Variants in PDZD2 observed in about 807,000 individuals in gnomAD.
The protein encoded by PDZD2 is PDZ domain-containing protein 2.
PDZD2 carries 90 observed loss-of-function variants against 220.7 expected under a neutral mutation model. The observed-to-expected ratio is 0.41, with a 90% CI of 0.34 to 0.49. The LOEUF is 0.49. Ranked by LOEUF, PDZD2 falls within the 20% of genes least tolerant of loss-of-function variation. PDZD2 has a pLI of 0.28. For synonymous variants in PDZD2, 1,375 were observed against 1,450.5 expected (o/e 0.95, Z 1.18); for missense variants, 3,174 against 3,608.5 (o/e 0.88, Z 3.08).
intron 2 of PDZD2, among the ~76,000 whole-genome samples, chr5:31,960,280 G>A (rs545148149): frequency 2.0e-5 from 3 of 151,548 alleles, no homozygotes; most frequent in South Asian, 4.2e-4. Context: ...GCCATGGCGC[G>A]ATCTCGGCTC....
At chr5:31,907,768 C>G (rs190531108) in intron 2 of PDZD2, among the ~76,000 whole-genome samples, 1 of 152,076 alleles carries the variant, frequency 6.6e-6, no homozygotes, top group Non-Finnish European at 1.5e-5. Flanking sequence ...AAAAGGATCT[C>G]CCAATTAAAT....
At position 31,977,175 on chromosome 5, in the gene PDZD2, G is replaced by T. The variant is rs1187883079; in HGVS notation, c.477-5980G>T. On this transcript the variant is annotated intron_variant, in intron 2 of 24. Coordinates refer to ENST00000438447, the MANE Select transcript of PDZD2 (RefSeq NM_178140.4). The stretch of plus-strand genomic sequence containing the variant: ...GTCTGGCCCCAAGTTACTTTGAATT[G>T]CACACATAGACATCCATGGTTCAGC... 3.9e-5 allele frequency among the ~76,000 whole-genome samples: 6 copies of T among 152,118 alleles called. No individual in the cohort carries two copies. The East Asian group carries it at 1.2e-3, about 30-fold the overall frequency.
chr5:31,880,790 T>TATTTTTC (rs1739797358), intron 2 of PDZD2, among the ~76,000 whole-genome samples: 1 of 122,716 alleles, frequency 8.1e-6, no homozygotes, highest in African/African-American at 4.0e-5. Flanking sequence ...CTTTTTTTTT[T>TATTTTTC]CTTTTTTTTT....
chr5:31,955,040 G>GC (rs1239224243), intron 2 of PDZD2, among the ~76,000 whole-genome samples: 2 of 152,178 alleles, frequency 1.3e-5, no homozygotes, highest in Non-Finnish European at 2.9e-5. Context: ...GCATCCCCAA[G>GC]CCCCGTACCC....
chr5:32,072,345 G>A, intron 17 of PDZD2, 28 bp downstream of exon 17: 2 of 1,577,386 alleles, frequency 1.3e-6, no homozygotes, highest in Non-Finnish European at 1.7e-6. Flanking sequence ...AGAGGGCCTG[G>A]GCTCTGCATT....
intron 2 of PDZD2, among the ~76,000 whole-genome samples, chr5:31,816,287 C>CAAAAA (rs34233316): frequency 3.0e-5 from 3 of 99,144 alleles, no homozygotes; most frequent in African/African-American, 8.4e-5. Flanking sequence ...GACTCCATCT[C>CAAAAA]AAAAAAAAAA....
intron 1 of PDZD2, among the ~76,000 whole-genome samples, chr5:31,697,998 G>A (rs1246534680): frequency 6.6e-6 from 1 of 151,582 alleles, no homozygotes; most frequent in African/African-American, 2.4e-5. Flanking sequence ...CATCTCCCAG[G>A]TTCAAGTGAT....
chr5:31,931,706 C>CA (rs569836153), intron 2 of PDZD2, among the ~76,000 whole-genome samples: 3 of 152,278 alleles, frequency 2.0e-5, no homozygotes, highest in African/African-American at 7.2e-5. Context: ...AAAAGGGGGC[C>CA]AGAGAGCTGG....
At chr5:32,060,636 C>T (rs950676064) in intron 13 of PDZD2, among the ~76,000 whole-genome samples, 1 of 152,184 alleles carries the variant, frequency 6.6e-6, no homozygotes, top group Non-Finnish European at 1.5e-5. Flanking sequence ...GTGTTCCTAT[C>T]TGCACAATGG....
At chr5:31,889,188 C>T (rs1740788936) in intron 2 of PDZD2, among the ~76,000 whole-genome samples, 2 of 152,182 alleles carry the variant, frequency 1.3e-5, no homozygotes, top group Non-Finnish European at 2.9e-5. Flanking sequence ...TGAAGTGTCA[C>T]GCTGAGGGAT....
At position 32,078,341 on chromosome 5, in the gene PDZD2, T is replaced by A. The variant is rs188909497; in HGVS notation, c.3682+735T>A. Among the ~76,000 whole-genome samples the A allele has an allele frequency of 1.0e-3, 155 of 152,200 alleles. 1 individual carries two copies. Among genetic ancestry groups the A allele is most frequent in the African/African-American group, 3.7e-3 (153 of 41,560 alleles). ...GTGGAGGCAGAAGTTATCTCAGTATTTATTTAGGTGCCAGGTGCAGTGGCT... is the reference window on the plus strand; with the variant it reads ...GTGGAGGCAGAAGTTATCTCAGTATATATTTAGGTGCCAGGTGCAGTGGCT... On this transcript the variant is annotated intron_variant, in intron 19 of 24. Transcript: ENST00000438447.
chr5:31,975,867 A>T (rs1749719083), intron 2 of PDZD2, among the ~76,000 whole-genome samples: 1 of 130,948 alleles, frequency 7.6e-6, no homozygotes, highest in Non-Finnish European at 1.6e-5. Context: ...GAGGTGGCAG[A>T]GTCATGGCTC....
At chr5:31,936,580 GA>G (rs1001688886) in intron 2 of PDZD2, among the ~76,000 whole-genome samples, 1 of 147,128 alleles carries the variant, frequency 6.8e-6, no homozygotes, top group Non-Finnish European at 1.5e-5. Context: ...AAAAAAAAAA[GA>G]AAAAAAGCAT....
intron 1 of PDZD2, among the ~76,000 whole-genome samples, chr5:31,783,064 G>T (rs1405524572): frequency 6.6e-6 from 1 of 152,080 alleles, no homozygotes; most frequent in Non-Finnish European, 1.5e-5. Context: ...TTTAAAGTTG[G>T]TTTAAACTTT....
chr5:32,081,924 G>C (rs193229381), intron 19 of PDZD2, among the ~76,000 whole-genome samples: 2 of 151,900 alleles, frequency 1.3e-5, no homozygotes, highest in Non-Finnish European at 2.9e-5. Context: ...GGGTTTCACC[G>C]TGTTAGGATG....
chr5:32,095,853 G>A (rs1049845368), intron 21 of PDZD2, among the ~76,000 whole-genome samples: 8 of 148,916 alleles, frequency 5.4e-5, no homozygotes, highest in Admixed American at 2.0e-4. Flanking sequence ...CCATTCTCCT[G>A]CCTCAGCCTC....
chr5:31,684,482 G>A (rs1438934419), intron 1 of PDZD2, among the ~76,000 whole-genome samples: 1 of 151,848 alleles, frequency 6.6e-6, no homozygotes, highest in African/African-American at 2.4e-5. Context: ...CACCTCTTGG[G>A]TAGACCATTG....
intron 1 of PDZD2, among the ~76,000 whole-genome samples, chr5:31,692,178 G>A (rs184264769): frequency 0.047 from 7,222 of 152,348 alleles, 255 homozygotes; most frequent in Non-Finnish European, 0.069. Context: ...GCTAAGGCCC[G>A]GCGAGAAATT....
At chr5:31,858,907 C>T (rs1178401297) in intron 2 of PDZD2, among the ~76,000 whole-genome samples, 2 of 151,950 alleles carry the variant, frequency 1.3e-5, no homozygotes, top group East Asian at 1.9e-4. Context: ...TTAGTAGAGT[C>T]GGGGTTTCAC....
Sources: allele counts gnomAD v4.1 joint callset (sites outside exome capture counted in the v4.1 genomes callset), GRCh38; gene constraint gnomAD v4.1.1; transcripts MANE v1.5; gene names NCBI Gene and HGNC (gene_info 2026-07-23, HGNC 2026-07-21).